Variants in MDFIC2 observed in about 807,000 individuals in gnomAD.
MDFIC2 encodes the protein myoD family inhibitor domain-containing protein 2.
At chr3:70,237,977 A>ATATTTTTT (rs1251005797) in intron 2 of MDFIC2, among the ~76,000 whole-genome samples, 1 of 13,008 alleles carries the variant, frequency 7.7e-5, no homozygotes, top group Non-Finnish European at 1.4e-4. Flanking sequence ...ATTGAGTGGT[A>ATATTTTTT]TCTTTTTTTT....
intron 2 of MDFIC2, among the ~76,000 whole-genome samples, chr3:70,267,635 C>A (rs1454797209): frequency 2.3e-5 from 3 of 133,000 alleles, no homozygotes; most frequent in Non-Finnish European, 4.7e-5. Context: ...CCAGAATGGT[C>A]TTGACCTCCT....
chr3:70,248,084 T>G (rs1197964110), intron 2 of MDFIC2, among the ~76,000 whole-genome samples: 1 of 152,042 alleles, frequency 6.6e-6, no homozygotes, highest in Non-Finnish European at 1.5e-5. Context: ...TTATTGAGTA[T>G]GTATTAAATT....
intron 3 of MDFIC2, among the ~76,000 whole-genome samples, chr3:70,199,818 T>C (rs1701220372): frequency 6.6e-6 from 1 of 152,212 alleles, no homozygotes; most frequent in Admixed American, 6.5e-5. Context: ...ATCCCAGGAT[T>C]CGCACCCCTT....
chr3:70,288,636 T>C (rs1264041811), intron 2 of MDFIC2, among the ~76,000 whole-genome samples: 1 of 151,780 alleles, frequency 6.6e-6, no homozygotes, highest in Non-Finnish European at 1.5e-5. Flanking sequence ...GTCTCGTTGA[T>C]CCGTCTAATG....
intron 2 of MDFIC2, among the ~76,000 whole-genome samples, chr3:70,275,337 C>T (rs1468812035): frequency 6.6e-6 from 1 of 151,902 alleles, no homozygotes; most frequent in African/African-American, 2.4e-5. Context: ...AGTAAGACCT[C>T]GTCTCTACAA....
At chr3:70,284,915 A>G (rs1702127004) in intron 2 of MDFIC2, among the ~76,000 whole-genome samples, 1 of 152,202 alleles carries the variant, frequency 6.6e-6, no homozygotes, top group African/African-American at 2.4e-5. Context: ...TAAACAAAAA[A>G]GAGTAAATGG....
rs144699994 is a variant in MDFIC2, at chr3:70,214,399, G to C, written c.89-7609C>G. Among the ~76,000 whole-genome samples, 1,424 of 152,148 alleles carry C rather than the reference G, an allele frequency of 9.4e-3. 20 individuals carry two copies. Among genetic ancestry groups the C allele is most frequent in the African/African-American group, 0.032 (1,345 of 41,524 alleles). On this transcript the variant is annotated intron_variant, in intron 2 of 3. Transcript: ENST00000567252. ...GGGCTACGACAAGAGGACATTTTAA[G>C]CCTTTTCAATCAGGCTTGGTAAATC...
intron 2 of MDFIC2, among the ~76,000 whole-genome samples, chr3:70,260,608 C>T (rs1454544119): frequency 6.6e-6 from 1 of 152,036 alleles, no homozygotes; most frequent in Non-Finnish European, 1.5e-5. Context: ...TCTTTCCTTT[C>T]AGGTTCCCTA....
At chr3:70,199,918 G>A (rs1701221810) in intron 3 of MDFIC2, among the ~76,000 whole-genome samples, 1 of 152,062 alleles carries the variant, frequency 6.6e-6, no homozygotes. Flanking sequence ...CACTTACCAA[G>A]GCCAAACTGC....
At chr3:70,202,772 C>G (rs1701253670) in intron 3 of MDFIC2, among the ~76,000 whole-genome samples, 1 of 152,160 alleles carries the variant, frequency 6.6e-6, no homozygotes, top group Non-Finnish European at 1.5e-5. Context: ...AAAGTGATAC[C>G]CTAATGACAC....
At chr3:70,254,455 C>T (rs764792413) in intron 2 of MDFIC2, among the ~76,000 whole-genome samples, 4 of 152,048 alleles carry the variant, frequency 2.6e-5, no homozygotes, top group African/African-American at 4.8e-5. Flanking sequence ...ACACAAAGGG[C>T]GTAAAAGAAA....
Position 70,194,809 on chromosome 3 carries a change from G to A in MDFIC2, c.*2117C>T, listed in dbSNP as rs1701160462. The stretch of plus-strand genomic sequence containing the variant: ...ACCAATATGGCATGGCCTCACCAAT[G>A]ATACCAGGTACCATATTATAGGAAT... On this transcript the variant is annotated 3_prime_UTR_variant, in exon 4 of 4. Transcript: ENST00000567252. Among the ~76,000 whole-genome samples the A allele has an allele frequency of 1.3e-5, 2 of 152,144 alleles. No individual in the cohort carries two copies. The highest frequency in any genetic ancestry group is 4.8e-5 in the African/African-American group (2 of 41,436).
chr3:70,308,322 G>A (rs1199028241), intron 2 of MDFIC2, among the ~76,000 whole-genome samples: 1 of 151,982 alleles, frequency 6.6e-6, no homozygotes, highest in Non-Finnish European at 1.5e-5. Context: ...CTCCAAAAGT[G>A]CTGAGATTAT....
At chr3:70,267,020 C>A (rs1701922380) in intron 2 of MDFIC2, among the ~76,000 whole-genome samples, 1 of 152,140 alleles carries the variant, frequency 6.6e-6, no homozygotes, top group South Asian at 2.1e-4. Flanking sequence ...GTTTTCTTAG[C>A]TAAACTCTCA....
chr3:70,200,740 A>G (rs923987290), intron 3 of MDFIC2, among the ~76,000 whole-genome samples: 3 of 152,220 alleles, frequency 2.0e-5, no homozygotes, highest in African/African-American at 4.8e-5. Flanking sequence ...GACTAAATCA[A>G]TGAATGATTC....
chr3:70,236,355 C>T (rs952956755), intron 2 of MDFIC2, among the ~76,000 whole-genome samples: 2 of 152,070 alleles, frequency 1.3e-5, no homozygotes, highest in Non-Finnish European at 2.9e-5. Context: ...CATATATATT[C>T]ACTTCTTGTA....
chr3:70,265,152 C>T (rs1701904497), intron 2 of MDFIC2, among the ~76,000 whole-genome samples: 1 of 152,096 alleles, frequency 6.6e-6, no homozygotes, highest in South Asian at 2.1e-4. Context: ...AGCTACAATT[C>T]AAGATTGGGT....
chr3:70,267,003 G>A (rs1253333184), intron 2 of MDFIC2, among the ~76,000 whole-genome samples: 2 of 152,108 alleles, frequency 1.3e-5, no homozygotes, highest in East Asian at 1.9e-4. Flanking sequence ...AACATTTTCC[G>A]GTCATAGTTT....
At chr3:70,283,113 T>C (rs1702105507) in intron 2 of MDFIC2, among the ~76,000 whole-genome samples, 1 of 152,064 alleles carries the variant, frequency 6.6e-6, no homozygotes, top group Admixed American at 6.6e-5. Flanking sequence ...AATAATAAAG[T>C]CAAGAAAATG....
Sources: gnomAD v4.1 joint callset for allele counts (sites outside exome capture counted in the v4.1 genomes callset) on GRCh38, gnomAD v4.1.1 for gene constraint, MANE v1.5 for transcripts, NCBI Gene and HGNC (gene_info 2026-07-23, HGNC 2026-07-21) for gene names.